The following REDIC1 variants were observed in gnomAD, a reference collection of about 807,000 sequenced individuals.
REDIC1 encodes the protein regulator of DNA class I crossover intermediates 1, also known as HEI10 Interacting Protein 1.
At chr12:39,851,296 A>C in the REDIC1 span, among the ~76,000 whole-genome samples, 1 of 152,340 alleles carries the variant, frequency 6.6e-6, no homozygotes, top group Non-Finnish European at 1.5e-5. Flanking sequence ...AGTTCTTCTT[A>C]TGAAATAACT....
the REDIC1 span, among the ~76,000 whole-genome samples, chr12:39,805,105 G>A: frequency 8.0e-6 from 1 of 125,436 alleles, no homozygotes; most frequent in South Asian, 3.1e-4. Flanking sequence ...CATCAGTGAC[G>A]ACAATGGAGG....
At chr12:39,827,645 C>T in the REDIC1 span, among the ~76,000 whole-genome samples, 1 of 152,090 alleles carries the variant, frequency 6.6e-6, no homozygotes, top group African/African-American at 2.4e-5. Flanking sequence ...GATTTTCCTG[C>T]AGCAGCTCAG....
At chr12:39,801,752 C>T in the REDIC1 span, among the ~76,000 whole-genome samples, 6 of 152,098 alleles carry the variant, frequency 3.9e-5, no homozygotes, top group Admixed American at 1.3e-4. Flanking sequence ...AAGGAAAGGG[C>T]GGGCTTAGAA....
the REDIC1 span, among the ~76,000 whole-genome samples, chr12:39,783,887 C>A: frequency 6.6e-6 from 1 of 152,124 alleles, no homozygotes. Flanking sequence ...TCTCAGGATA[C>A]AAAATCAATG....
chr12:39,850,794 T>G, the REDIC1 span, among the ~76,000 whole-genome samples: 1 of 152,204 alleles, frequency 6.6e-6, no homozygotes, highest in Non-Finnish European at 1.5e-5. Context: ...GTTTATTATA[T>G]CACACGGAAT....
At chr12:39,782,710 C>G in the REDIC1 span, among the ~76,000 whole-genome samples, 1 of 151,942 alleles carries the variant, frequency 6.6e-6, no homozygotes, top group Middle Eastern at 3.2e-3. Context: ...CAAAAGAAGA[C>G]AGGAAAATGT....
chr12:39,792,682 A>C, the REDIC1 span, among the ~76,000 whole-genome samples: 1 of 152,132 alleles, frequency 6.6e-6, no homozygotes. Flanking sequence ...ACAGATACCA[A>C]AAGTCAGATA....
At chr12:39,779,980 TC>T in the REDIC1 span, among the ~76,000 whole-genome samples, 1 of 152,240 alleles carries the variant, frequency 6.6e-6, no homozygotes, top group African/African-American at 2.4e-5. Context: ...TTCTTTTCAA[TC>T]CATTTTATAG....
At chr12:39,876,019 G>A in the REDIC1 span, among the ~76,000 whole-genome samples, 1 of 152,248 alleles carries the variant, frequency 6.6e-6, no homozygotes, top group African/African-American at 2.4e-5. Flanking sequence ...TAGACTCAAA[G>A]CAGGCATACC....
At chr12:39,759,979 T>C in the REDIC1 span, 4 of 1,473,076 alleles carry the variant, frequency 2.7e-6, no homozygotes, top group Admixed American at 6.8e-5. Context: ...TTGCTGTTCT[T>C]CTCCCCCCAG....
the REDIC1 span, chr12:39,835,816 T>C: frequency 6.6e-6 from 1 of 152,102 alleles, no homozygotes; most frequent in African/African-American, 2.4e-5. Flanking sequence ...TTGTACTTGG[T>C]TTATGGAAAA....
the REDIC1 span, among the ~76,000 whole-genome samples, chr12:39,629,182 A>G: frequency 6.6e-6 from 1 of 152,202 alleles, no homozygotes; most frequent in Non-Finnish European, 1.5e-5. Context: ...TAAATAATTG[A>G]TCAAATTGGA....
chr12:39,698,507 T>C, the REDIC1 span, among the ~76,000 whole-genome samples: 11 of 152,182 alleles, frequency 7.2e-5, no homozygotes, highest in African/African-American at 2.7e-4. Flanking sequence ...CTAAAAGATA[T>C]TTACAGAACA....
the REDIC1 span, chr12:39,864,749 AAT>A: frequency 6.2e-7 from 1 of 1,612,092 alleles, no homozygotes. Context: ...AGAAGAACAT[AAT>A]GGAATCTCAC....
chr12:39,705,077 A>ATAC, the REDIC1 span, among the ~76,000 whole-genome samples: 1 of 151,518 alleles, frequency 6.6e-6, no homozygotes, highest in African/African-American at 2.4e-5. Flanking sequence ...TATAATAATA[A>ATAC]TAAATAAAAT....
At chr12:39,633,622 T>TA in the REDIC1 span, among the ~76,000 whole-genome samples, 7 of 152,212 alleles carry the variant, frequency 4.6e-5, no homozygotes, top group South Asian at 6.2e-4. Context: ...TTATACCACT[T>TA]ACAGTGAAGT....
the REDIC1 span, among the ~76,000 whole-genome samples, chr12:39,649,059 A>G: frequency 6.6e-6 from 1 of 151,856 alleles, no homozygotes; most frequent in Non-Finnish European, 1.5e-5. Context: ...TCCTTGCTCT[A>G]TTAAATAGTT....
At chr12:39,713,976 T>C in the REDIC1 span, among the ~76,000 whole-genome samples, 1 of 147,160 alleles carries the variant, frequency 6.8e-6, no homozygotes, top group African/African-American at 2.5e-5. Context: ...TATGTGCATA[T>C]ACGTATATAT....
the REDIC1 span, chr12:39,871,995 T>G: frequency 6.7e-7 from 1 of 1,485,554 alleles, no homozygotes. Context: ...TTGCTATTGA[T>G]AGTTACCCAA....
Sources: allele counts gnomAD v4.1 joint callset (sites outside exome capture counted in the v4.1 genomes callset), GRCh38; gene constraint gnomAD v4.1.1; transcripts MANE v1.5; gene names NCBI Gene and HGNC (gene_info 2026-07-23, HGNC 2026-07-21).